The following TICRR variants were observed in gnomAD, a reference collection of about 807,000 sequenced individuals.
TICRR encodes the protein TOPBP1 interacting checkpoint and replication regulator.
TICRR carries 132 observed loss-of-function variants against 178.1 expected under a neutral mutation model. That is an observed-to-expected ratio of 0.74 (90% confidence interval 0.64 to 0.86). The LOEUF (loss-of-function observed/expected upper bound fraction) is 0.86, where lower values mean the gene tolerates loss of function less well. Ranked by LOEUF, TICRR falls within the 40% of genes least tolerant of loss-of-function variation. The pLI, the probability that TICRR is intolerant of heterozygous loss-of-function variation, is 0.00. For synonymous variants in TICRR, 991 were observed against 900.7 expected, an observed-to-expected ratio of 1.10 and a Z score of -1.79; for missense variants, 2,587 against 2,334.3, an observed-to-expected ratio of 1.11 and a Z score of -2.23.
At chr15:89,599,614 G>A (rs909809884) in intron 8 of TICRR, 139 bp downstream of exon 8, 1 of 810,076 alleles carries the variant, frequency 1.2e-6, no homozygotes, top group Non-Finnish European at 1.9e-6. Context: ...AAGGGAGTAA[G>A]TACAGTTCCA....
rs994707652 is a variant in TICRR at position 89,589,985 on chromosome 15, G to C, written c.1412-2062G>C. On this transcript the variant is annotated intron_variant, in intron 4 of 21. Transcript: ENST00000268138. The stretch of plus-strand genomic sequence containing the variant: ...AAGTGCAATCCTAATAAAAATTCTA[G>C]TTTGATTAAAAGACACATTAAATCC... Among the ~76,000 whole-genome samples the C allele has an allele frequency of 1.1e-4, 16 of 152,126 alleles. 1 individual carries two copies. The highest frequency in any genetic ancestry group is 9.2e-4 in the Admixed American group (14 of 15,280).
Position 89,625,982 on chromosome 15 carries a change from C to G in TICRR, c.5523C>G (p.Ala1841=), listed in dbSNP as rs1396977054. 6.2e-7 allele frequency: 1 copy of G among 1,606,026 alleles called. No individual in the cohort carries two copies. The highest frequency in any genetic ancestry group is 1.1e-5 in the South Asian group (1 of 89,556). Residue 1841 remains alanine (A), a synonymous_variant, in exon 21 of 22, where the codon GCC becomes GCG. Transcript: ENST00000268138. ...GTGCCGTGCGGAGCTGCCTCTCTGCCAGTGCCCTCCAGGCTCTGACCCAGT... is the reference window on the plus strand; with the variant it reads ...GTGCCGTGCGGAGCTGCCTCTCTGCGAGTGCCCTCCAGGCTCTGACCCAGT... ...PSCAVRSCLS[A]SALQALTQSP... is the part of the protein sequence containing the mutation.
In TICRR at chr15:89,585,701, C is replaced by T; in HGVS notation, c.1177-7C>T. The T allele has an allele frequency of 2.5e-6, 4 of 1,604,160 alleles. No homozygotes were observed. The highest frequency in any genetic ancestry group is 2.2e-5 in the East Asian group (1 of 44,858). ...ATATTCTCAACTAATTAGGGCTTCT[C>T]ACGTAGGTTGCTGATGTGGACCCTG... On this transcript the variant is annotated splice_polypyrimidine_tract_variant and splice_region_variant and intron_variant, in intron 3 of 21. Coordinates refer to ENST00000268138, the MANE Select transcript of TICRR (RefSeq NM_152259.4).
intron 7 of TICRR, among the ~76,000 whole-genome samples, chr15:89,596,821 C>T (rs1963005952): frequency 6.6e-6 from 1 of 152,132 alleles, no homozygotes; most frequent in Admixed American, 6.6e-5. Flanking sequence ...AATTTGTCTG[C>T]TTTACAAAAA....
chr15:89,600,513 G>C (rs756156763), intron 8 of TICRR, 72 bp from the exon 9 acceptor site: 12 of 648,162 alleles, frequency 1.9e-5, no homozygotes, highest in Non-Finnish European at 2.8e-5. Flanking sequence ...TTTCCCTTTA[G>C]TCAACTGTGA....
Position 89,627,006 on chromosome 15 carries a change from C to T in TICRR, c.5653C>T (p.Arg1885Cys), listed in dbSNP as rs3743372. The change falls in exon 22 of 22, where the codon CGC (arginine) becomes TGC (cysteine). Residue 1885 changes from arginine to cysteine, a missense_variant. Physicochemically the swap from Arg to Cys is radical, Grantham distance 180. Transcript: ENST00000268138. ...CACTGTAGAAGACTCTCCTTTCAGTCGCGCTTTCTCCAGGAGGCGCCCCAT... is the reference window on the plus strand; with the variant it reads ...CACTGTAGAAGACTCTCCTTTCAGTTGCGCTTTCTCCAGGAGGCGCCCCAT... ...PSTVEDSPFS[R>C]AFSRRRPISR... is the part of the protein sequence containing the mutation. 0.32 allele frequency: 511,539 copies of T among 1,613,722 alleles called. 84,109 individuals are homozygous for T. The highest frequency in any genetic ancestry group is 0.37 in the Middle Eastern group (2,266 of 6,062).
At chr15:89,612,147 A>G (rs1369269774) in intron 15 of TICRR, among the ~76,000 whole-genome samples, 1 of 152,112 alleles carries the variant, frequency 6.6e-6, no homozygotes, top group Non-Finnish European at 1.5e-5. Flanking sequence ...TTTGCTTATT[A>G]AGGATCTCAG....
At chr15:89,619,880 T>C in intron 18 of TICRR, 38 bp downstream of exon 18, 1 of 1,559,284 alleles carries the variant, frequency 6.4e-7, no homozygotes, top group Admixed American at 2.1e-5. Context: ...AAGTCCGTGC[T>C]GACTTGGTGA....
intron 1 of TICRR, among the ~76,000 whole-genome samples, chr15:89,580,299 C>T (rs1443411290): frequency 1.3e-5 from 2 of 152,234 alleles, no homozygotes; most frequent in African/African-American, 4.8e-5. Flanking sequence ...GTTGGGATTA[C>T]AGGCGTCAGC....
chr15:89,617,343 T>C (rs376473500), intron 16 of TICRR, among the ~76,000 whole-genome samples: 1 of 152,230 alleles, frequency 6.6e-6, no homozygotes, highest in African/African-American at 2.4e-5. Context: ...AAATTTTTTA[T>C]AACATCCTTG....
Position 89,575,600 on chromosome 15 carries a change from A to G in TICRR, c.14A>G (p.His5Arg), listed in dbSNP as rs781248279. Residue 5 changes from histidine (H) to arginine (R), a missense_variant, in exon 1 of 22, where the codon CAC becomes CGC. By Grantham distance (29) the His-to-Arg change is conservative. Coordinates refer to ENST00000268138, the MANE Select transcript of TICRR (RefSeq NM_152259.4). MACC[H>R]KVMLLLDTAG... ...GGCACGGCCGATATGGCATGCTGTC[A>G]CAAAGTAATGCTGCTGCTGGACACC... The G allele has an allele frequency of 1.3e-6, 2 of 1,507,914 alleles. No individual in the cohort carries two copies. The highest frequency in any genetic ancestry group is 2.5e-5 in the South Asian group (2 of 78,892). 93.4% of individuals were successfully genotyped at this position (1,507,914 alleles called of 1,614,324 possible).
At chr15:89,614,958 C>T (rs1963311167) in intron 15 of TICRR, among the ~76,000 whole-genome samples, 1 of 152,168 alleles carries the variant, frequency 6.6e-6, no homozygotes, top group Non-Finnish European at 1.5e-5. Context: ...CAAGGTTAGC[C>T]ATAGGTGGCA....
chr15:89,608,721 T>A, intron 14 of TICRR, 82 bp from the exon 15 acceptor site: 1 of 1,262,192 alleles, frequency 7.9e-7, no homozygotes, highest in Non-Finnish European at 1.1e-6. Context: ...CTTCTCTGTT[T>A]TGGTTATCTT....
In TICRR at chr15:89,624,478, G is replaced by C. The variant is rs777742570; in HGVS notation, c.4168G>C (p.Asp1390His). ...KVGKRCRKTSDPRRSIVECQP... is the reference protein window; with the variant it reads ...KVGKRCRKTSHPRRSIVECQP... ...TGGGAAACGGTGTAGAAAGACCTCT[G>C]ATCCCAGAAGGAGCATCGTGGAGTG... Residue 1390 changes from aspartate (D) to histidine (H), a missense_variant, in exon 20 of 22, where the codon GAT (aspartate) becomes CAT (histidine). By Grantham distance (81) the Asp-to-His change is moderately conservative. Transcript: ENST00000268138. 24 of 1,614,102 alleles carry C rather than the reference G, an allele frequency of 1.5e-5. No individual in the cohort carries two copies. Among genetic ancestry groups the C allele is most frequent in the Non-Finnish European group, 1.9e-5 (23 of 1,180,042 alleles).
At chr15:89,596,766 T>A (rs1311209040) in intron 7 of TICRR, among the ~76,000 whole-genome samples, 1 of 152,256 alleles carries the variant, frequency 6.6e-6, no homozygotes, top group Non-Finnish European at 1.5e-5. Context: ...GTTTACTCTC[T>A]CATATTACTT....
intron 18 of TICRR, among the ~76,000 whole-genome samples, chr15:89,621,006 C>G (rs960325332): frequency 1.3e-5 from 2 of 150,662 alleles, no homozygotes; most frequent in African/African-American, 4.9e-5. Context: ...CAGGCGTGAG[C>G]CACTGCGCCC....
At chr15:89,626,895 A>C in intron 21 of TICRR, 61 bp from the exon 22 acceptor site, 3 of 1,581,230 alleles carry the variant, frequency 1.9e-6, no homozygotes, top group Non-Finnish European at 2.6e-6. Context: ...AATTTAAGCC[A>C]ATTTTTTTCA....
chr15:89,600,795 A>AG, intron 9 of TICRR, 110 bp downstream of exon 9: 1 of 559,388 alleles, frequency 1.8e-6, no homozygotes. Flanking sequence ...CTGTAATCCT[A>AG]GTACCTTGGG....
In TICRR at chr15:89,625,169, C is replaced by G. The variant is rs747468975; in HGVS notation, c.4859C>G (p.Thr1620Ser). 6.2e-7 allele frequency: 1 copy of G among 1,613,830 alleles called. No individual in the cohort carries two copies. The highest frequency in any genetic ancestry group is 1.3e-5 in the African/African-American group (1 of 75,024). ...ASRSLSKPEP[T>S]YVSPPCPRLS... ...AGGTCCTTAAGCAAACCTGAACCCA[C>G]CTATGTGTCACCCCCCTGCCCCCGC... The change falls in exon 20 of 22, where the codon ACC (threonine) becomes AGC (serine). Residue 1620 changes from threonine to serine, a missense_variant. Coordinates refer to ENST00000268138, the MANE Select transcript of TICRR (RefSeq NM_152259.4).
Sources: allele counts gnomAD v4.1 joint callset (sites outside exome capture counted in the v4.1 genomes callset), GRCh38; gene constraint gnomAD v4.1.1; transcripts MANE v1.5; gene names NCBI Gene and HGNC (gene_info 2026-07-23, HGNC 2026-07-21).